The following RNU4ATAC variants were observed in gnomAD, a reference collection of about 807,000 sequenced individuals.
The protein encoded by RNU4ATAC is RNA, U4atac small nuclear (U12-dependent splicing).
chr2:121,530,974 G>T lies in RNU4ATAC; in HGVS notation n.94G>T, dbSNP rs774196943. 3 of 700,352 alleles carry T rather than the reference G, an allele frequency of 4.3e-6. No individual in the cohort carries two copies. The highest frequency in any genetic ancestry group is 7.8e-6 in the Non-Finnish European group (3 of 384,818). The allele number at this position is 700,352 out of a possible 1,614,324, so 43.4% of individuals were successfully genotyped here. A position where few individuals can be genotyped will look rare whatever the true frequency, so the allele number is the denominator to read the frequency against. On this transcript the variant is annotated non_coding_transcript_exon_variant, in exon 1 of 1. Coordinates refer to ENST00000580972, the Ensembl canonical transcript of RNU4ATAC. ...GAACAACACACCCGCATCAACTAGAGCTTTTGCTTTATTTTGGTGCAATTT... is the reference window on the plus strand; with the variant it reads ...GAACAACACACCCGCATCAACTAGATCTTTTGCTTTATTTTGGTGCAATTT...
chr2:121,530,947 C>G lies in RNU4ATAC; in HGVS notation n.67C>G, dbSNP rs191916413. The stretch of plus-strand genomic sequence containing the variant: ...ATAGTGAGGGCAGTACTGCTAACGC[C>G]TGAACAACACACCCGCATCAACTAG... On this transcript the variant is annotated non_coding_transcript_exon_variant, in exon 1 of 1. Transcript: ENST00000580972. 13 of 700,308 alleles carry G rather than the reference C, an allele frequency of 1.9e-5. No individual in the cohort carries two copies. Among genetic ancestry groups the G allele is most frequent in the East Asian group, 1.3e-4 (5 of 37,312 alleles). The allele number at this position is 700,308 out of a possible 1,614,324, so 43.4% of individuals were successfully genotyped here. A position where few individuals can be genotyped will look rare whatever the true frequency, so the allele number is the denominator to read the frequency against.
At chr2:121,530,985 ATTTTGGTGCAATT>A (rs1415265849) in exon 1 of RNU4ATAC, 1 of 700,234 alleles carries the variant, frequency 1.4e-6, no homozygotes, top group Non-Finnish European at 2.6e-6. Flanking sequence ...CTTTTGCTTT[ATTTTGGTGCAATT>A]TTTGGAAAAA....
chr2:121,531,009 TGAAAACCTGTTTTCA>T (rs2094813382), downstream of RNU4ATAC: 1 of 700,042 alleles, frequency 1.4e-6, no homozygotes, highest in Non-Finnish European at 2.6e-6. Context: ...TTTGGAAAAA[TGAAAACCTGTTTTCA>T]TAGACTTATC....
exon 1 of RNU4ATAC, chr2:121,530,909 G>T (rs374299350): frequency 1.4e-6 from 1 of 698,918 alleles, no homozygotes; most frequent in Non-Finnish European, 2.6e-6. Flanking sequence ...TTGCGCTACT[G>T]TCCAATGAGC....
rs549457414 is a variant in RNU4ATAC, at chr2:121,530,911, C to T, written n.31C>T. 9.4e-5 allele frequency: 66 copies of T among 699,168 alleles called. No homozygotes were observed. The highest frequency in any genetic ancestry group is 3.7e-4 in the Middle Eastern group (1 of 2,734). The allele number at this position is 699,168 out of a possible 1,614,324, so 43.3% of individuals were successfully genotyped here. On this transcript the variant is annotated non_coding_transcript_exon_variant, in exon 1 of 1. Coordinates refer to ENST00000580972, the Ensembl canonical transcript of RNU4ATAC. ...CCTTTTCTTGGGGTTGCGCTACTGTCCAATGAGCGCATAGTGAGGGCAGTA... is the reference window on the plus strand; with the variant it reads ...CCTTTTCTTGGGGTTGCGCTACTGTTCAATGAGCGCATAGTGAGGGCAGTA...
chr2:121,530,948 T>G (rs545636183), exon 1 of RNU4ATAC: 6 of 700,432 alleles, frequency 8.6e-6, no homozygotes, highest in East Asian at 2.7e-5. Flanking sequence ...TGCTAACGCC[T>G]GAACAACACA....
exon 1 of RNU4ATAC, chr2:121,530,888 T>G (rs1414471225): frequency 1.4e-6 from 1 of 693,010 alleles, no homozygotes. Flanking sequence ...ATAACCATCC[T>G]TTTCTTGGGG....
At chr2:121,530,880 A>G (rs769805188), upstream of RNU4ATAC, 10 of 691,936 alleles carry the variant, frequency 1.4e-5, no homozygotes, top group African/African-American at 3.5e-5. Context: ...TTTCTATTAT[A>G]ACCATCCTTT....
chr2:121,530,897 G>T, exon 1 of RNU4ATAC: 1 of 694,928 alleles, frequency 1.4e-6, no homozygotes, highest in Non-Finnish European at 2.6e-6. Flanking sequence ...CTTTTCTTGG[G>T]GTTGCGCTAC....
exon 1 of RNU4ATAC, chr2:121,530,973 A>C: frequency 2.9e-6 from 2 of 700,328 alleles, no homozygotes; most frequent in Non-Finnish European, 5.2e-6. Context: ...CATCAACTAG[A>C]GCTTTTGCTT....
chr2:121,530,996 AT>A lies in RNU4ATAC; in HGVS notation n.121del, dbSNP rs1381146456. The A allele has an allele frequency of 2.9e-6, 2 of 700,280 alleles. No individual in the cohort carries two copies. Among genetic ancestry groups the A allele is most frequent in the South Asian group, 3.0e-5 (2 of 67,496 alleles). The allele number at this position is 700,280 out of a possible 1,614,324, so 43.4% of individuals were successfully genotyped here. A position where few individuals can be genotyped will look rare whatever the true frequency, so the allele number is the denominator to read the frequency against. On this transcript the variant is annotated non_coding_transcript_exon_variant, in exon 1 of 1. Coordinates refer to ENST00000580972, the Ensembl canonical transcript of RNU4ATAC. ...AGAGCTTTTGCTTTATTTTGGTGCAATTTTTGGAAAAATGAAAACCTGTTTT... is the reference window on the plus strand; with the variant it reads ...AGAGCTTTTGCTTTATTTTGGTGCAATTTTGGAAAAATGAAAACCTGTTTT...
chr2:121,530,886 CCTTTT>C (rs1335866673), exon 1 of RNU4ATAC: 1 of 692,792 alleles, frequency 1.4e-6, no homozygotes, highest in Non-Finnish European at 2.6e-6. Context: ...TTATAACCAT[CCTTTT>C]CTTGGGGTTG....
exon 1 of RNU4ATAC, chr2:121,530,930 G>T: frequency 1.4e-6 from 1 of 700,358 alleles, no homozygotes; most frequent in South Asian, 1.5e-5. Flanking sequence ...GCATAGTGAG[G>T]GCAGTACTGC....
exon 1 of RNU4ATAC, chr2:121,530,957 C>G: frequency 4.3e-6 from 3 of 700,408 alleles, no homozygotes; most frequent in Non-Finnish European, 7.8e-6. Context: ...CTGAACAACA[C>G]ACCCGCATCA....
exon 1 of RNU4ATAC, chr2:121,530,934 G>GA (rs764859299): frequency 8.6e-6 from 6 of 700,288 alleles, no homozygotes; most frequent in African/African-American, 1.7e-5. Context: ...AGTGAGGGCA[G>GA]TACTGCTAAC....
rs1167496773 is a variant in RNU4ATAC at position 121,530,952 on chromosome 2, CA to C, written n.74del. On this transcript the variant is annotated non_coding_transcript_exon_variant, in exon 1 of 1. Coordinates refer to ENST00000580972, the Ensembl canonical transcript of RNU4ATAC. ...GAGGGCAGTACTGCTAACGCCTGAA[CA>C]ACACACCCGCATCAACTAGAGCTTT... The C allele has an allele frequency of 5.7e-6, 4 of 700,300 alleles. No homozygotes were observed. Among genetic ancestry groups the C allele is most frequent in the Non-Finnish European group, 7.8e-6 (3 of 384,812 alleles). The allele number at this position is 700,300 out of a possible 1,614,324, so 43.4% of individuals were successfully genotyped here.
chr2:121,530,996 A>AT lies in RNU4ATAC; in HGVS notation n.121dup, dbSNP rs1381146456. The stretch of plus-strand genomic sequence containing the variant: ...AGAGCTTTTGCTTTATTTTGGTGCA[A>AT]TTTTTGGAAAAATGAAAACCTGTTT... On this transcript the variant is annotated non_coding_transcript_exon_variant, in exon 1 of 1. Coordinates refer to ENST00000580972, the Ensembl canonical transcript of RNU4ATAC. The AT allele has an allele frequency of 8.6e-6, 6 of 700,162 alleles. No homozygotes were observed. Among genetic ancestry groups the AT allele is most frequent in the Non-Finnish European group, 1.6e-5 (6 of 384,774 alleles). 43.4% of individuals were successfully genotyped at this position (700,162 alleles called of 1,614,324 possible).
rs863225422 is a variant in RNU4ATAC at position 121,530,927 on chromosome 2, G to C, written n.47G>C. On this transcript the variant is annotated non_coding_transcript_exon_variant, in exon 1 of 1. Coordinates refer to ENST00000580972, the Ensembl canonical transcript of RNU4ATAC. Reference sequence around the variant, plus strand: ...CGCTACTGTCCAATGAGCGCATAGTGAGGGCAGTACTGCTAACGCCTGAAC... The same window carrying C: ...CGCTACTGTCCAATGAGCGCATAGTCAGGGCAGTACTGCTAACGCCTGAAC... 1.4e-6 allele frequency: 1 copy of C among 699,952 alleles called. No homozygotes were observed. Among genetic ancestry groups the C allele is most frequent in the Non-Finnish European group, 2.6e-6 (1 of 384,452 alleles). 43.4% of individuals were successfully genotyped at this position (699,952 alleles called of 1,614,324 possible).
chr2:121,530,952 C>CT, exon 1 of RNU4ATAC: 2 of 700,418 alleles, frequency 2.9e-6, no homozygotes, highest in Non-Finnish European at 2.6e-6. Context: ...AACGCCTGAA[C>CT]AACACACCCG....
Sources: gnomAD v4.1 joint callset for allele counts on GRCh38, gnomAD v4.1.1 for gene constraint, MANE v1.5 for transcripts, NCBI Gene and HGNC (gene_info 2026-07-23, HGNC 2026-07-21) for gene names.